Variants in GSE1 observed in about 807,000 individuals in gnomAD.
GSE1 encodes the protein Gse1 coiled-coil protein.
In GSE1, 32 loss-of-function variants were observed where a neutral mutation model predicts 112.6. That is an observed-to-expected ratio of 0.28 (90% CI 0.21 to 0.38). GSE1 has a LOEUF of 0.38. Ranked by LOEUF, GSE1 falls within the 10% of genes least tolerant of loss-of-function variation. The pLI, the probability that GSE1 is intolerant of heterozygous loss-of-function variation, is 1.00. For missense variants in GSE1, 2,348 were observed against 1,699.2 expected (o/e 1.38, Z -6.71); for synonymous variants, 1,115 against 735.6 (o/e 1.52, Z -8.35).
chr16:85,380,055 C>A (rs1457322854), intron 2 of GSE1, among the ~76,000 whole-genome samples: 1 of 152,212 alleles, frequency 6.6e-6, no homozygotes. Context: ...CAAGCATTGC[C>A]ATTTCTAGAA....
rs2047355090 is a variant in GSE1 at position 85,373,867 on chromosome 16, CTT to C, written c.2464+16226_2464+16227del. On this transcript the variant is annotated intron_variant, in intron 2 of 2. Transcript: ENST00000637419. The surrounding 1 kb of genome is among the most constrained non-coding windows in gnomAD (Gnocchi z 5.1). ...ACCACCGCCACGGCAGGGCCAGTCTCTTTGTCTCTTTCATGAGCGGCAGCCTC... is the reference window on the plus strand; with the variant it reads ...ACCACCGCCACGGCAGGGCCAGTCTCTGTCTCTTTCATGAGCGGCAGCCTC... Among the ~76,000 whole-genome samples the C allele has an allele frequency of 1.3e-5, 2 of 152,274 alleles. No individual in the cohort carries two copies. Among genetic ancestry groups the C allele is most frequent in the South Asian group, 2.1e-4 (1 of 4,824 alleles).
chr16:85,638,382 C>G (rs1006784090), intron 2 of GSE1, among the ~76,000 whole-genome samples: 1 of 152,222 alleles, frequency 6.6e-6, no homozygotes, highest in Non-Finnish European at 1.5e-5. Flanking sequence ...CAGGGCCAGC[C>G]TGACCCTTTA....
At chr16:85,398,411 C>A (rs2048016654) in intron 2 of GSE1, among the ~76,000 whole-genome samples, 2 of 152,238 alleles carry the variant, frequency 1.3e-5, no homozygotes, top group South Asian at 4.1e-4. Context: ...AGCTCCCAGT[C>A]AGCAGGTCTG....
intron 2 of GSE1, among the ~76,000 whole-genome samples, chr16:85,439,762 G>C (rs12598093): frequency 1.3e-5 from 2 of 150,836 alleles, no homozygotes; most frequent in East Asian, 2.0e-4. Context: ...CACACACACA[G>C]ACACACACAC....
intron 1 of GSE1, among the ~76,000 whole-genome samples, chr16:85,328,768 G>T (rs1233030046): frequency 2.0e-5 from 3 of 152,080 alleles, no homozygotes; most frequent in Admixed American, 2.0e-4. Flanking sequence ...CGCCTCTGCA[G>T]TGATTGACAA....
Position 85,665,052 on chromosome 16 carries a change from G to A in GSE1, c.2682G>A (p.Lys894=). The A allele has an allele frequency of 6.2e-7, 1 of 1,612,350 alleles. No homozygotes were observed. The highest frequency in any genetic ancestry group is 8.5e-7 in the Non-Finnish European group (1 of 1,178,584). Residue 894 remains lysine, a synonymous_variant, in exon 12 of 16, where the codon AAG becomes AAA. Coordinates refer to ENST00000253458, the MANE Select transcript of GSE1 (RefSeq NM_014615.5). Reference sequence around the variant, plus strand: ...TTGTTGAAATGCTCCGTGCCATGAAGCAGAAGGCACTGTCAGCAGCAGTGG... The same window carrying A: ...TTGTTGAAATGCTCCGTGCCATGAAACAGAAGGCACTGTCAGCAGCAGTGG... ...ERLVEMLRAM[K]QKALSAAVAD... is the part of the protein sequence containing the mutation.
chr16:85,399,116 G>A (rs575351660), intron 2 of GSE1, among the ~76,000 whole-genome samples: 1 of 152,288 alleles, frequency 6.6e-6, no homozygotes, highest in Non-Finnish European at 1.5e-5. Flanking sequence ...GTGTGAGGAT[G>A]CATAGGATTG....
At position 85,655,784 on chromosome 16, in the gene GSE1, C is replaced by T. The variant is rs781068535; in HGVS notation, c.856C>T (p.Pro286Ser). 1.2e-6 allele frequency: 2 copies of T among 1,610,132 alleles called. No individual in the cohort carries two copies. Among genetic ancestry groups the T allele is most frequent in the Non-Finnish European group, 1.7e-6 (2 of 1,177,944 alleles). Reference sequence around the variant, plus strand: ...GTCCCCGTTCTACCCCATCCCCACCCCCGGCTCCCTGCCCCCACTGCACCC... The same window carrying T: ...GTCCCCGTTCTACCCCATCCCCACCTCCGGCTCCCTGCCCCCACTGCACCC... ...LRSPFYPIPT[P>S]GSLPPLHPSA... Residue 286 changes from proline (P) to serine (S), a missense_variant, in exon 6 of 16, where the codon CCC becomes TCC. Transcript: ENST00000253458.
chr16:85,638,023 C>T (rs2050144272), intron 2 of GSE1, among the ~76,000 whole-genome samples: 2 of 152,182 alleles, frequency 1.3e-5, no homozygotes. Context: ...CTGTGCTGCC[C>T]CACGCGGCCC....
chr16:85,468,305 T>C (rs1224592476), intron 2 of GSE1, among the ~76,000 whole-genome samples: 1 of 149,246 alleles, frequency 6.7e-6, no homozygotes, highest in Non-Finnish European at 1.5e-5. Flanking sequence ...TGTAGGGCCC[T>C]TCTTTCCTTT....
chr16:85,454,020 G>A (rs1348777427), intron 2 of GSE1, among the ~76,000 whole-genome samples: 8 of 152,166 alleles, frequency 5.3e-5, no homozygotes, highest in Admixed American at 5.2e-4. Flanking sequence ...CCCGCCCCCT[G>A]CCCCACGGGC....
Position 85,310,364 on chromosome 16 carries a change from G to C in GSE1, c.2284-47099G>C, listed in dbSNP as rs567038272. Among the ~76,000 whole-genome samples, 259 of 152,340 alleles carry C rather than the reference G, an allele frequency of 1.7e-3. 1 individual carries two copies. Among genetic ancestry groups the C allele is most frequent in the Non-Finnish European group, 3.3e-3 (227 of 68,018 alleles). On this transcript the variant is annotated intron_variant, in intron 1 of 2. Transcript: ENST00000637419. ...ATGTGTGAACCAGCTGGCGATACTG[G>C]AGAAACAGTAGCTACTTTATTAAGC...
upstream of GSE1, chr16:85,554,775 TGGGG>T (rs901552562): frequency 1.5e-4 from 63 of 424,094 alleles, no homozygotes; most frequent in African/African-American, 5.6e-3. Context: ...CTGTCAGTCG[TGGGG>T]GGGGAGGGAG....
intron 1 of GSE1, among the ~76,000 whole-genome samples, chr16:85,557,231 G>C (rs1314083813): frequency 6.6e-6 from 1 of 152,230 alleles, no homozygotes; most frequent in Admixed American, 6.5e-5. Context: ...TGTGCCCCCT[G>C]GGGTCGGGGA....
intron 1 of GSE1, among the ~76,000 whole-genome samples, chr16:85,295,372 C>T (rs1032655795): frequency 3.9e-5 from 6 of 152,238 alleles, no homozygotes; most frequent in African/African-American, 4.8e-5. Context: ...TCAAGGTTCA[C>T]GCGTGCTGCA....
At chr16:85,318,071 C>T (rs367873580) in intron 1 of GSE1, among the ~76,000 whole-genome samples, 661 of 152,310 alleles carry the variant, frequency 4.3e-3, no homozygotes, top group Non-Finnish European at 6.6e-3. Context: ...GGGAGGAGGC[C>T]GTCCCATGGT....
chr16:85,333,346 CCAGAGGCCA>C (rs1324727812), intron 1 of GSE1, among the ~76,000 whole-genome samples: 1 of 152,160 alleles, frequency 6.6e-6, no homozygotes, highest in Non-Finnish European at 1.5e-5. Context: ...CCCAGCAGCC[CCAGAGGCCA>C]GTATGATGGA....
intron 2 of GSE1, among the ~76,000 whole-genome samples, chr16:85,532,342 C>T (rs1273688084): frequency 2.6e-5 from 4 of 152,196 alleles, no homozygotes; most frequent in Non-Finnish European, 5.9e-5. Context: ...CTCACTGCAG[C>T]CTTGACCTCC....
At chr16:85,670,340 A>ATGGGATGCTTT (rs2053230304) in intron 14 of GSE1, among the ~76,000 whole-genome samples, 1 of 152,152 alleles carries the variant, frequency 6.6e-6, no homozygotes, top group African/African-American at 2.4e-5. Flanking sequence ...CATCCCATTA[A>ATGGGATGCTTT]AGAGTGAAGG....
Sources: allele counts gnomAD v4.1 joint callset (sites outside exome capture counted in the v4.1 genomes callset), GRCh38; gene constraint gnomAD v4.1.1; non-coding constraint Gnocchi (gnomAD v3.1); transcripts MANE v1.5; gene names NCBI Gene and HGNC (gene_info 2026-07-23, HGNC 2026-07-21).